KCNC2: variants seen among roughly 807,000 people sequenced by gnomAD.
The protein encoded by KCNC2 is voltage-gated potassium channel KCNC2.
In KCNC2, 21 loss-of-function variants were observed where a neutral mutation model predicts 44.5. That is an observed-to-expected ratio of 0.47 (90% CI 0.33 to 0.68). KCNC2 has a LOEUF of 0.68. Ranked by LOEUF, KCNC2 falls within the 30% of genes least tolerant of loss-of-function variation. The pLI is 0.01. For synonymous variants in KCNC2, 391 were observed against 339.1 expected, an observed-to-expected ratio of 1.15 and a Z score of -1.68; for missense variants, 589 against 826.2, an observed-to-expected ratio of 0.71 and a Z score of 3.52.
rs527465046 is a variant in KCNC2 at position 75,146,769 on chromosome 12, T to A, written c.687+60528A>T. Among the ~76,000 whole-genome samples, 30 of 152,306 alleles carry A rather than the reference T, an allele frequency of 2.0e-4. 1 individual carries two copies. In the East Asian group the frequency reaches 3.3e-3, roughly 17 times the overall value. On this transcript the variant is annotated intron_variant, in intron 2 of 4. Coordinates refer to ENST00000549446, the MANE Select transcript of KCNC2 (RefSeq NM_139137.4). ...CTTCCACCAGCAGTATATAAGAATC[T>A]CCATTTCCTCACATCTTAGCAACTG... is the stretch of plus-strand genomic sequence containing the variant.
intron 4 of KCNC2, among the ~76,000 whole-genome samples, chr12:75,046,568 A>T (rs1404738450): frequency 6.6e-6 from 1 of 151,826 alleles, no homozygotes; most frequent in Non-Finnish European, 1.5e-5. Context: ...TATTCAATGC[A>T]CTTGGAACAG....
chr12:75,153,947 G>A (rs1275105410), intron 2 of KCNC2, among the ~76,000 whole-genome samples: 1 of 151,828 alleles, frequency 6.6e-6, no homozygotes, highest in Admixed American at 6.6e-5. Flanking sequence ...GGAGGAGGTG[G>A]AAGGGGAGGC....
At chr12:75,124,960 G>T (rs1888303941) in intron 2 of KCNC2, 1 of 152,216 alleles carries the variant, frequency 6.6e-6, no homozygotes, top group Non-Finnish European at 1.5e-5. Context: ...AAAAAAATTA[G>T]CCGGGCGTTG....
chr12:75,114,194 C>T (rs1335458499), intron 2 of KCNC2, among the ~76,000 whole-genome samples: 2 of 152,114 alleles, frequency 1.3e-5, no homozygotes, highest in Admixed American at 1.3e-4. Flanking sequence ...GTGCTTTTGA[C>T]TTTTTGGCTT....
Position 75,051,205 on chromosome 12 carries a change from C to A in KCNC2, c.800G>T (p.Gly267Val), listed in dbSNP as rs2136945647. 6.2e-7 allele frequency: 1 copy of A among 1,612,878 alleles called. No individual in the cohort carries two copies. Among genetic ancestry groups the A allele is most frequent in the East Asian group, 2.2e-5 (1 of 44,844 alleles). Residue 267 changes from glycine to valine, a missense_variant, in exon 3 of 5, where the codon GGC becomes GTC. This residue lies in a region of KCNC2 where 40 missense variants were observed against 40.6 expected (regional missense o/e 0.99). Coordinates refer to ENST00000549446, the MANE Select transcript of KCNC2 (RefSeq NM_139137.4). ...TTCATACTGTAGAACAACACTTGTGCCATTGATGACTGGTTCTGTCTTGTT... is the reference window on the plus strand; with the variant it reads ...TTCATACTGTAGAACAACACTTGTGACATTGATGACTGGTTCTGTCTTGTT... Reference protein sequence around the residue: ...VKNKTEPVINGTSVVLQYEIE... With the variant: ...VKNKTEPVINVTSVVLQYEIE...
chr12:75,093,277 A>G (rs1335059059), intron 2 of KCNC2, among the ~76,000 whole-genome samples: 2 of 151,610 alleles, frequency 1.3e-5, no homozygotes, highest in Admixed American at 1.3e-4. Flanking sequence ...CACAATGTCA[A>G]TGGTCTTAGT....
chr12:75,193,753 G>A (rs1022821475), intron 2 of KCNC2, among the ~76,000 whole-genome samples: 21 of 151,952 alleles, frequency 1.4e-4, no homozygotes, highest in African/African-American at 2.9e-4. Context: ...CCAATTTGCC[G>A]GCCTGCTCCT....
chr12:75,110,557 C>A (rs559415038), intron 2 of KCNC2, among the ~76,000 whole-genome samples: 1 of 151,922 alleles, frequency 6.6e-6, no homozygotes, highest in East Asian at 1.9e-4. Flanking sequence ...TGACCAGGAC[C>A]GGAGATCTTG....
chr12:75,097,404 T>C (rs936530809), intron 2 of KCNC2, among the ~76,000 whole-genome samples: 4 of 152,118 alleles, frequency 2.6e-5, no homozygotes, highest in African/African-American at 9.7e-5. Flanking sequence ...CTATGGACTT[T>C]GGTTCATAAT....
intron 2 of KCNC2, among the ~76,000 whole-genome samples, chr12:75,105,016 C>A (rs1886667674): frequency 6.6e-6 from 1 of 152,066 alleles, no homozygotes; most frequent in Non-Finnish European, 1.5e-5. Context: ...ATATAGAAGT[C>A]CCTGCCCTCA....
At chr12:75,052,270 A>G (rs1004520721) in intron 2 of KCNC2, among the ~76,000 whole-genome samples, 3 of 152,242 alleles carry the variant, frequency 2.0e-5, no homozygotes, top group African/African-American at 7.2e-5. Flanking sequence ...TTCCATGGTC[A>G]TAAACTACAA....
chr12:75,203,947 A>G (rs2031490485), intron 2 of KCNC2, among the ~76,000 whole-genome samples: 1 of 151,954 alleles, frequency 6.6e-6, no homozygotes, highest in African/African-American at 2.4e-5. Flanking sequence ...TTCAAAGGAA[A>G]GCACATACAA....
chr12:75,077,349 A>G (rs1296020976), intron 2 of KCNC2, among the ~76,000 whole-genome samples: 1 of 152,096 alleles, frequency 6.6e-6, no homozygotes, highest in African/African-American at 2.4e-5. Flanking sequence ...ATAAACTCCT[A>G]TTTTTATGGT....
At chr12:75,175,556 G>T (rs1423240545) in intron 2 of KCNC2, among the ~76,000 whole-genome samples, 4 of 151,966 alleles carry the variant, frequency 2.6e-5, no homozygotes, top group Non-Finnish European at 5.9e-5. Flanking sequence ...GCAAGCAGCA[G>T]TCATGTTTGC....
chr12:75,102,421 C>T (rs886966096), intron 2 of KCNC2, among the ~76,000 whole-genome samples: 3 of 151,904 alleles, frequency 2.0e-5, no homozygotes, highest in Admixed American at 6.6e-5. Flanking sequence ...TGGTTACATA[C>T]CTCTATTTTT....
At chr12:75,159,451 G>A (rs1277374768) in intron 2 of KCNC2, among the ~76,000 whole-genome samples, 1 of 151,728 alleles carries the variant, frequency 6.6e-6, no homozygotes, top group Non-Finnish European at 1.5e-5. Context: ...ACTGCCTGTT[G>A]CATTCAGAAC....
intron 2 of KCNC2, among the ~76,000 whole-genome samples, chr12:75,118,413 G>A (rs1413388206): frequency 6.6e-6 from 1 of 152,042 alleles, no homozygotes. Flanking sequence ...TAAGGTGGGT[G>A]GCAGGTTTAT....
intron 2 of KCNC2, among the ~76,000 whole-genome samples, chr12:75,121,367 T>A (rs1888034272): frequency 1.3e-5 from 2 of 152,162 alleles, no homozygotes; most frequent in Admixed American, 6.5e-5. Context: ...CCAAGCATAG[T>A]GTGAAGCACT....
At chr12:75,208,813 C>T (rs967573374) in intron 1 of KCNC2, among the ~76,000 whole-genome samples, 16 of 152,040 alleles carry the variant, frequency 1.1e-4, no homozygotes, top group African/African-American at 3.4e-4. Context: ...TTCCTTTTCA[C>T]GTTATTATTA....
Sources: gnomAD v4.1 joint callset for allele counts (sites outside exome capture counted in the v4.1 genomes callset) on GRCh38, gnomAD v4.1.1 for gene constraint, gnomAD v4.1.1 regional missense constraint, MANE v1.5 for transcripts, NCBI Gene and HGNC (gene_info 2026-07-23, HGNC 2026-07-21) for gene names.